The following PLEKHM1 variants were observed in gnomAD, a reference collection of about 807,000 sequenced individuals.
PLEKHM1 encodes the protein pleckstrin homology and RUN domain containing M1.
A neutral mutation model predicts 94.3 loss-of-function variants in PLEKHM1; 28 were observed. The ratio of observed to expected loss-of-function variants is 0.30; its 90% CI spans 0.22 to 0.41. The LOEUF is 0.41. Ranked by LOEUF, PLEKHM1 falls within the 10% of genes least tolerant of loss-of-function variation. The pLI is 1.00. For synonymous variants in PLEKHM1, 424 were observed against 581.2 expected (o/e 0.73, Z 3.89); for missense variants, 907 against 1,358.6 (o/e 0.67, Z 5.22).
intron 2 of PLEKHM1, among the ~76,000 whole-genome samples, chr17:45,478,963 A>G (rs919656956): frequency 3.3e-5 from 5 of 152,012 alleles, no homozygotes; most frequent in Admixed American, 6.6e-5. Context: ...TAAAGTGGAA[A>G]TAATACTTTC....
intron 10 of PLEKHM1, 189 bp downstream of exon 10, chr17:45,439,974 G>A: frequency 4.5e-6 from 3 of 659,948 alleles, no homozygotes; most frequent in Non-Finnish European, 5.4e-6. Context: ...TATTCCAGGG[G>A]TGCTGGGGGT....
At chr17:45,467,291 T>C in intron 5 of PLEKHM1, among the ~76,000 whole-genome samples, 1 of 152,188 alleles carries the variant, frequency 6.6e-6, no homozygotes. Flanking sequence ...AAATGAGATT[T>C]TCTATTCTTT....
Position 45,482,438 on chromosome 17 carries a change from G to A in PLEKHM1, c.47C>T (p.Pro16Leu), listed in dbSNP as rs750369461. ...ENGLDPQAAI[P>L]VIKKKLVGSV... ...CTTGATCCTCCCTCACCCACCTACC[G>A]GGATGGCAGCCTGGGGGTCCAGTCC... is the stretch of plus-strand genomic sequence containing the variant. Residue 16 changes from proline (P) to leucine (L), a missense_variant and splice_region_variant, in exon 2 of 12, where the codon CCG becomes CTG. Transcript: ENST00000430334. The A allele has an allele frequency of 9.1e-5, 101 of 1,114,118 alleles. No homozygotes were observed. The highest frequency in any genetic ancestry group is 1.3e-4 in the South Asian group (10 of 79,314). The allele number at this position is 1,114,118 out of a possible 1,614,324, so 69.0% of individuals were successfully genotyped here. A position where few individuals can be genotyped will look rare whatever the true frequency, so the allele number is the denominator to read the frequency against.
rs1458246483 is a variant in PLEKHM1, at chr17:45,445,095, T to G, written c.2837+375A>C. Among the ~76,000 whole-genome samples, 1 of 152,214 alleles carries G rather than the reference T, an allele frequency of 6.6e-6. No homozygotes were observed. The highest frequency in any genetic ancestry group is 1.5e-5 in the Non-Finnish European group (1 of 68,032). The stretch of plus-strand genomic sequence containing the variant: ...CATGCCTCGCCAGGTGTGCAGTGCT[T>G]AGTATGTTCTCAGTCCATGTTTTTG... On this transcript the variant is annotated intron_variant, in intron 9 of 11. Transcript: ENST00000430334. This position sits in a 1 kb window ranked among gnomAD's most constrained non-coding sequence, Gnocchi z 4.2.
intron 5 of PLEKHM1, among the ~76,000 whole-genome samples, chr17:45,467,675 T>A (rs1236512288): frequency 6.6e-6 from 1 of 152,108 alleles, no homozygotes; most frequent in Non-Finnish European, 1.5e-5. Context: ...GCAGGAGAAT[T>A]GCTTGAACCC....
At chr17:45,466,160 A>G (rs1475155543) in intron 5 of PLEKHM1, among the ~76,000 whole-genome samples, 2 of 152,214 alleles carry the variant, frequency 1.3e-5, no homozygotes, top group Admixed American at 6.5e-5. Flanking sequence ...TGTGATTTAC[A>G]TGGTCATATT....
rs745917546 is a variant in PLEKHM1, at chr17:45,445,500, C to T, written c.2807G>A (p.Arg936Gln). Residue 936 changes from arginine (R) to glutamine (Q), a missense_variant, in exon 9 of 12, where the codon CGG (arginine) becomes CAG (glutamine). Around this residue, in one of 3 missense-constraint regions of PLEKHM1, gnomAD observed 254 missense variants for 451.1 expected, o/e 0.56. Transcript: ENST00000430334. This position sits in a 1 kb window ranked among gnomAD's most constrained non-coding sequence, Gnocchi z 4.2. The stretch of plus-strand genomic sequence containing the variant: ...GCTGAGCTCCTTCAGGGCGCCACTC[C>T]GGCACAGGCCCAGGTAATCCCCCAG... ...KLLGDYLGLC[R>Q]SGALKELSKR... 1.5e-5 allele frequency: 24 copies of T among 1,613,862 alleles called. No homozygotes were observed. Among genetic ancestry groups the T allele is most frequent in the Middle Eastern group, 1.7e-4 (1 of 6,056 alleles).
At position 45,475,127 on chromosome 17, in the gene PLEKHM1, G is replaced by C; in HGVS notation, c.896C>G (p.Ala299Gly). 6.2e-7 allele frequency: 1 copy of C among 1,613,994 alleles called. No individual in the cohort carries two copies. Among genetic ancestry groups the C allele is most frequent in the Non-Finnish European group, 8.5e-7 (1 of 1,179,860 alleles). Residue 299 changes from alanine to glycine, a missense_variant, in exon 4 of 12, where the codon GCT becomes GGT. This residue lies in a region of PLEKHM1 where 477 missense variants were observed against 601.5 expected (regional missense o/e 0.79). Transcript: ENST00000430334. ...TTGCAGAGACCGGTCTGAGTCCTCA[G>C]CATTTGCTGTGCCCAGGTCTGAGTC... ...SCDSDLGTANAEDSDRSLQEV... is the reference protein window; with the variant it reads ...SCDSDLGTANGEDSDRSLQEV...
intron 11 of PLEKHM1, 149 bp downstream of exon 11, chr17:45,439,328 C>T: frequency 2.3e-6 from 2 of 888,582 alleles, no homozygotes; most frequent in African/African-American, 1.6e-5. Flanking sequence ...GCTGCCCCAA[C>T]AACTGCACCA....
At chr17:45,447,754 G>A (rs2050652665) in intron 8 of PLEKHM1, among the ~76,000 whole-genome samples, 1 of 152,028 alleles carries the variant, frequency 6.6e-6, no homozygotes, top group African/African-American at 2.4e-5. Flanking sequence ...AGAGCGAGCT[G>A]AGGATTTCCT....
intron 5 of PLEKHM1, among the ~76,000 whole-genome samples, chr17:45,465,346 G>C: frequency 6.6e-6 from 1 of 151,894 alleles, no homozygotes; most frequent in East Asian, 1.9e-4. Context: ...TTTGAGCTAC[G>C]GGGGTCCGGT....
intron 4 of PLEKHM1, among the ~76,000 whole-genome samples, chr17:45,469,916 T>C (rs1178164706): frequency 6.6e-6 from 1 of 151,878 alleles, no homozygotes; most frequent in African/African-American, 2.4e-5. Flanking sequence ...CTACTAAAAA[T>C]ACAAAAATTA....
chr17:45,468,283 C>T lies in PLEKHM1; in HGVS notation c.1234G>A (p.Gly412Arg), dbSNP rs1236634035. 1.2e-6 allele frequency: 2 copies of T among 1,613,304 alleles called. No homozygotes were observed. The highest frequency in any genetic ancestry group is 8.5e-7 in the Non-Finnish European group (1 of 1,179,728). ...GCCTGGGCCTTCTGCAGGCCATTCCCTTGGCCCACTTCTCTGGCTGTCTCG... is the reference window on the plus strand; with the variant it reads ...GCCTGGGCCTTCTGCAGGCCATTCCTTTGGCCCACTTCTCTGGCTGTCTCG... ...VSETAREVGQ[G>R]NGLQKAQAHD... is the part of the protein sequence containing the mutation. Residue 412 changes from glycine to arginine, a missense_variant, in exon 5 of 12, where the codon GGG (glycine) becomes AGG (arginine). Gly to Arg is a moderately radical substitution (Grantham distance 125, BLOSUM62 -2). Around this residue, in one of 3 missense-constraint regions of PLEKHM1, gnomAD observed 477 missense variants for 601.5 expected, o/e 0.79. Coordinates refer to ENST00000430334, the MANE Select transcript of PLEKHM1 (RefSeq NM_014798.3).
intron 4 of PLEKHM1, among the ~76,000 whole-genome samples, chr17:45,472,077 T>C (rs2145301779): frequency 6.6e-6 from 1 of 151,814 alleles, no homozygotes; most frequent in African/African-American, 2.4e-5. Flanking sequence ...TGATTTTATA[T>C]GTGTAATGAT....
intron 3 of PLEKHM1, chr17:45,476,130 A>T (rs938863326): frequency 1.1e-5 from 2 of 175,268 alleles, no homozygotes; most frequent in African/African-American, 2.4e-5. Context: ...CAGCCTAGGC[A>T]ATATATATAT....
downstream of PLEKHM1, among the ~76,000 whole-genome samples, chr17:45,435,354 C>T (rs924179362): frequency 2.0e-5 from 3 of 152,204 alleles, no homozygotes; most frequent in East Asian, 5.8e-4. Flanking sequence ...TGGTGTGGGC[C>T]TCCCCTTGGA....
At chr17:45,473,977 G>A (rs2051610886) in intron 4 of PLEKHM1, among the ~76,000 whole-genome samples, 1 of 152,092 alleles carries the variant, frequency 6.6e-6, no homozygotes, top group South Asian at 2.1e-4. Context: ...ACAGGAATGG[G>A]AAAGGCTTTC....
intron 4 of PLEKHM1, among the ~76,000 whole-genome samples, chr17:45,470,633 A>C (rs1429248567): frequency 6.6e-6 from 1 of 151,906 alleles, no homozygotes; most frequent in African/African-American, 2.4e-5. Context: ...TGTTTCAAAA[A>C]ACAAAAATAA....
At chr17:45,471,682 G>A (rs1398019434) in intron 4 of PLEKHM1, among the ~76,000 whole-genome samples, 1 of 152,230 alleles carries the variant, frequency 6.6e-6, no homozygotes, top group Non-Finnish European at 1.5e-5. Context: ...CATGAACCCA[G>A]GAGGCGGAGG....
Sources: allele counts gnomAD v4.1 joint callset (sites outside exome capture counted in the v4.1 genomes callset), GRCh38; gene constraint gnomAD v4.1.1; regional missense constraint gnomAD v4.1.1; non-coding constraint Gnocchi (gnomAD v3.1); transcripts MANE v1.5; gene names NCBI Gene and HGNC (gene_info 2026-07-23, HGNC 2026-07-21).